Variants in GLYR1 observed in about 807,000 individuals in gnomAD.
GLYR1 encodes the protein cytokine-like nuclear factor N-PAC.
A neutral mutation model predicts 72.7 loss-of-function variants in GLYR1; 21 were observed. The ratio of observed to expected loss-of-function variants is 0.29; its 90% CI spans 0.20 to 0.42. GLYR1 has a LOEUF of 0.42. Ranked by LOEUF, GLYR1 falls within the 10% of genes least tolerant of loss-of-function variation. The pLI is 1.00. For missense variants in GLYR1, 594 were observed against 712.1 expected, an observed-to-expected ratio of 0.83 and a Z score of 1.89; for synonymous variants, 392 against 270.2, an observed-to-expected ratio of 1.45 and a Z score of -4.42.
At position 4,814,517 on chromosome 16, in the gene GLYR1, G is replaced by C; in HGVS notation, c.1017+20C>G. 1 of 1,591,634 alleles carries C rather than the reference G, an allele frequency of 6.3e-7. No individual in the cohort carries two copies. The highest frequency in any genetic ancestry group is 8.6e-7 in the Non-Finnish European group (1 of 1,160,692). ...CTGGCTGTGACCCGGAGTTGCTGAGGGGAGGGAGGGGGTCCTTACGTCCTT... is the reference window on the plus strand; with the variant it reads ...CTGGCTGTGACCCGGAGTTGCTGAGCGGAGGGAGGGGGTCCTTACGTCCTT... On this transcript the variant is annotated intron_variant, in intron 11 of 15. Coordinates refer to ENST00000321919, the MANE Select transcript of GLYR1 (RefSeq NM_032569.4).
Position 4,803,241 on chromosome 16 carries a change from TTTG to T in GLYR1, c.*1992_*1994del, listed in dbSNP as rs2082790865. On this transcript the variant is annotated 3_prime_UTR_variant, in exon 16 of 16. Transcript: ENST00000321919. ...AGTGTTTTATTTTTCTTGCAGTAGC[TTTG>T]TTAATTGCACAAAATCATGTTTTGT... is the stretch of plus-strand genomic sequence containing the variant. 6.5e-6 allele frequency: 1 copy of T among 152,710 alleles called. No homozygotes were observed. The highest frequency in any genetic ancestry group is 1.5e-5 in the Non-Finnish European group (1 of 68,054). The allele number at this position is 152,710 out of a possible 1,614,324, so 9.5% of individuals were successfully genotyped here. A position where few individuals can be genotyped will look rare whatever the true frequency, so the allele number is the denominator to read the frequency against.
chr16:4,841,812 G>T (rs1403729977), intron 3 of GLYR1, among the ~76,000 whole-genome samples: 3 of 152,200 alleles, frequency 2.0e-5, no homozygotes, highest in South Asian at 4.1e-4. Context: ...CTAAGCACAA[G>T]TTACCTCAGG....
chr16:4,822,623 T>G (rs1028222700), intron 7 of GLYR1, among the ~76,000 whole-genome samples: 1 of 151,986 alleles, frequency 6.6e-6, no homozygotes, highest in Non-Finnish European at 1.5e-5. Context: ...ATCCCTAACC[T>G]CATGATCCAC....
Position 4,828,765 on chromosome 16 carries a change from T to G in GLYR1, c.537+3214A>C, listed in dbSNP as rs1567748053. Among the ~76,000 whole-genome samples the G allele has an allele frequency of 5.3e-5, 8 of 152,218 alleles. No homozygotes were observed. The South Asian group carries it at 1.7e-3, about 32-fold the overall frequency. ...CCTAGGAGGCACGTACTGTTGTAAT[T>G]CCTAACGATGAGACAAGGAAACTGG... On this transcript the variant is annotated intron_variant, in intron 5 of 15. Coordinates refer to ENST00000321919, the MANE Select transcript of GLYR1 (RefSeq NM_032569.4).
chr16:4,843,610 C>CA lies in GLYR1; in HGVS notation c.155+1463dup, dbSNP rs2142053265. ...AAATGGGGCTGGGTCTATCTGTAAA[C>CA]ATGAAACCAGGAAGAGCATCTGACA... On this transcript the variant is annotated intron_variant, in intron 3 of 15. Transcript: ENST00000321919. 3.9e-6 allele frequency: 5 copies of CA among 1,289,116 alleles called. No individual in the cohort carries two copies. The South Asian group carries it at 6.2e-5, about 16-fold the overall frequency. The allele number at this position is 1,289,116 out of a possible 1,614,324, so 79.9% of individuals were successfully genotyped here.
chr16:4,843,541 T>G, intron 3 of GLYR1: 4 of 1,288,990 alleles, frequency 3.1e-6, no homozygotes, highest in Non-Finnish European at 3.0e-6. Flanking sequence ...GCGATCTCCT[T>G]GAAATACTGC....
At chr16:4,819,614 T>C (rs1004193071) in intron 9 of GLYR1, among the ~76,000 whole-genome samples, 1 of 152,132 alleles carries the variant, frequency 6.6e-6, no homozygotes, top group Non-Finnish European at 1.5e-5. Context: ...CTTGGCCATG[T>C]TTTCAATTCA....
chr16:4,829,766 G>A (rs1428332288), intron 5 of GLYR1, among the ~76,000 whole-genome samples: 1 of 151,966 alleles, frequency 6.6e-6, no homozygotes, highest in African/African-American at 2.4e-5. Flanking sequence ...TCTGCCTCCT[G>A]GGTTCACGTG....
intron 10 of GLYR1, among the ~76,000 whole-genome samples, chr16:4,816,791 G>T (rs993839145): frequency 6.6e-6 from 1 of 152,084 alleles, no homozygotes; most frequent in Non-Finnish European, 1.5e-5. Context: ...TTCGAGACCA[G>T]CCTGGCTAAC....
chr16:4,831,007 C>G (rs1310454566), intron 5 of GLYR1, among the ~76,000 whole-genome samples: 2 of 152,176 alleles, frequency 1.3e-5, no homozygotes, highest in African/African-American at 4.8e-5. Flanking sequence ...TAGGCCTTGC[C>G]TCAAGTTCTT....
chr16:4,845,127 C>T lies in GLYR1; in HGVS notation c.102G>A (p.Lys34=), dbSNP rs146386706. ...GKIVNPPKDL[K]KPRGKKCFFV... ...AGAAGCATTTCTTTCCGCGAGGTTT[C>T]TTCAAGTCCTTTGGTGGATTAACAA... The change falls in exon 3 of 16, where the codon AAG becomes AAA. Residue 34 remains lysine, a synonymous_variant. Coordinates refer to ENST00000321919, the MANE Select transcript of GLYR1 (RefSeq NM_032569.4). The T allele has an allele frequency of 1.5e-5, 25 of 1,614,104 alleles. No individual in the cohort carries two copies. In the African/African-American group the frequency reaches 3.1e-4, roughly 20 times the overall value.
intron 3 of GLYR1, among the ~76,000 whole-genome samples, chr16:4,841,457 C>CAAAAAAAAAAAAAAAAAAAAAA (rs1160441336): frequency 3.1e-5 from 1 of 31,954 alleles, no homozygotes; most frequent in Non-Finnish European, 5.9e-5. Flanking sequence ...CTTGTCTCTA[C>CAAAAAAAAAAAAAAAAAAAAAA]AAAAAAAAAA....
At chr16:4,839,243 G>C (rs2085372648) in intron 3 of GLYR1, 1 of 152,238 alleles carries the variant, frequency 6.6e-6, no homozygotes, top group South Asian at 2.1e-4. Flanking sequence ...AGCCGGCATG[G>C]TAGCTTTAAA....
Position 4,845,115 on chromosome 16 carries a change from T to C in GLYR1, c.114A>G (p.Gly38=). ...AAAATTTCACAAAGAAGCATTTCTT[T>C]CCGCGAGGTTTCTTCAAGTCCTTTG... ...NPPKDLKKPR[G]KKCFFVKFFG... is the part of the protein sequence containing the mutation. The change falls in exon 3 of 16, where the codon GGA becomes GGG. Residue 38 remains glycine, a synonymous_variant. Coordinates refer to ENST00000321919, the MANE Select transcript of GLYR1 (RefSeq NM_032569.4). The C allele has an allele frequency of 6.2e-7, 1 of 1,614,130 alleles. No individual in the cohort carries two copies. Among genetic ancestry groups the C allele is most frequent in the Non-Finnish European group, 8.5e-7 (1 of 1,179,980 alleles).
Position 4,812,150 on chromosome 16 carries a change from G to A in GLYR1, c.1218C>T (p.Asp406=). 1.2e-6 allele frequency: 2 copies of A among 1,614,126 alleles called. No homozygotes were observed. The highest frequency in any genetic ancestry group is 1.7e-6 in the Non-Finnish European group (2 of 1,180,024). ...DGMLVILAAG[D]RGLYEDCSSC... The stretch of plus-strand genomic sequence containing the variant: ...TGCTGCAGTCCTCATATAAGCCCCT[G>A]TCTCCAGCCGCTAAGATCACCAACA... The change falls in exon 13 of 16, where the codon GAC becomes GAT. Residue 406 remains aspartate (D), a synonymous_variant. Coordinates refer to ENST00000321919, the MANE Select transcript of GLYR1 (RefSeq NM_032569.4).
At chr16:4,833,014 C>A in intron 3 of GLYR1, 102 bp from the exon 4 acceptor site, 2 of 1,143,422 alleles carry the variant, frequency 1.7e-6, no homozygotes, top group Non-Finnish European at 2.4e-6. Context: ...TTTGGTTTAA[C>A]TGGACTTTGC....
At chr16:4,835,514 T>C (rs1460126361) in intron 3 of GLYR1, among the ~76,000 whole-genome samples, 2 of 152,200 alleles carry the variant, frequency 1.3e-5, no homozygotes, top group Admixed American at 6.5e-5. Context: ...AGAAGCATCC[T>C]GTTACATCAA....
Position 4,812,177 on chromosome 16 carries a change from C to A in GLYR1, c.1191G>T (p.Gly397=). ...VSGNQQLSND[G]MLVILAAGDR... is the part of the protein sequence containing the mutation. ...CTCCAGCCGCTAAGATCACCAACAT[C>A]CCGTCATTAGACAGCTGCTGATTCC... Residue 397 remains glycine, a synonymous_variant, in exon 13 of 16, where the codon GGG becomes GGT. Coordinates refer to ENST00000321919, the MANE Select transcript of GLYR1 (RefSeq NM_032569.4). The A allele has an allele frequency of 6.2e-7, 1 of 1,614,182 alleles. No homozygotes were observed. The highest frequency in any genetic ancestry group is 8.5e-7 in the Non-Finnish European group (1 of 1,180,036).
chr16:4,822,443 T>C (rs149637755), intron 7 of GLYR1, among the ~76,000 whole-genome samples: 7 of 151,776 alleles, frequency 4.6e-5, no homozygotes, highest in Non-Finnish European at 8.8e-5. Context: ...CAGTCTGGAG[T>C]GCAGCGACGC....
Sources: gnomAD v4.1 joint callset for allele counts (sites outside exome capture counted in the v4.1 genomes callset) on GRCh38, gnomAD v4.1.1 for gene constraint, MANE v1.5 for transcripts, NCBI Gene and HGNC (gene_info 2026-07-23, HGNC 2026-07-21) for gene names.